Variants in DST observed in about 807,000 individuals in gnomAD.
DST encodes bullous pemphigoid antigen.
Under a neutral mutation model 875.2 loss-of-function variants are expected in DST, and 253 were observed. That is an observed-to-expected ratio of 0.29 (90% CI 0.26 to 0.32). DST has a LOEUF of 0.32. DST is among the 10% of genes least tolerant of loss of function. DST has a pLI of 1.00. For missense variants in DST, 8,287 were observed against 9,111.6 expected, an observed-to-expected ratio of 0.91 and a Z score of 3.68; for synonymous variants, 3,124 against 3,197.1, an observed-to-expected ratio of 0.98 and a Z score of 0.77.
Position 56,560,318 on chromosome 6 carries a change from A to G in DST, c.14416T>C (p.Trp4806Arg). ...ENPDTPEAPR[W>R]KQMLTEIDSK... ...CCTATTTCTGTCAACATCTGTTTCC[A>G]TCTGGGGGCCTCAGGAGTATCTGGG... The change falls in exon 58 of 104, where the codon TGG becomes CGG. Residue 4806 changes from tryptophan (W) to arginine (R), a missense_variant. This residue lies in a region of DST where 1,513 missense variants were observed against 1,677.8 expected (regional missense o/e 0.90). Coordinates refer to ENST00000680361, the MANE Select transcript of DST (RefSeq NM_001374736.1). The G allele has an allele frequency of 1.9e-6, 3 of 1,611,468 alleles. No homozygotes were observed. The highest frequency in any genetic ancestry group is 2.2e-5 in the East Asian group (1 of 44,824).
intron 9 of DST, among the ~76,000 whole-genome samples, chr6:56,697,726 C>T (rs756761825): frequency 6.6e-6 from 1 of 152,194 alleles, no homozygotes; most frequent in Non-Finnish European, 1.5e-5. Context: ...GCCTACCTCA[C>T]CAGCTGGTGA....
At chr6:56,585,914 T>C (rs137977790) in intron 49 of DST, among the ~76,000 whole-genome samples, 3,806 of 152,300 alleles carry the variant, frequency 0.025, 75 homozygotes, top group Non-Finnish European at 0.042. Context: ...TTTGAGTGAG[T>C]TTCTTAATCC....
chr6:56,887,272 G>A (rs114228111), intron 3 of DST, among the ~76,000 whole-genome samples: 2,234 of 152,258 alleles, frequency 0.015, 61 homozygotes, highest in African/African-American at 0.05. Flanking sequence ...AGAGTGACAC[G>A]GTAGCAGGTG....
chr6:56,856,719 G>A (rs533421221), intron 3 of DST, among the ~76,000 whole-genome samples: 1 of 152,236 alleles, frequency 6.6e-6, no homozygotes, highest in South Asian at 2.1e-4. Context: ...TGGGGCAACT[G>A]GGGAAATCTG....
At chr6:56,707,938 G>C (rs1195821044) in intron 5 of DST, among the ~76,000 whole-genome samples, 1 of 152,204 alleles carries the variant, frequency 6.6e-6, no homozygotes, top group Non-Finnish European at 1.5e-5. Context: ...GGGAGGCCGA[G>C]GTGGGTGGAT....
intron 4 of DST, among the ~76,000 whole-genome samples, chr6:56,781,908 A>C (rs1294553927): frequency 1.3e-5 from 2 of 152,124 alleles, no homozygotes; most frequent in Non-Finnish European, 2.9e-5. Context: ...TCAATACCTA[A>C]TTTATTGACA....
intron 91 of DST, among the ~76,000 whole-genome samples, chr6:56,477,013 T>A (rs1282450135): frequency 1.3e-5 from 2 of 151,968 alleles, no homozygotes; most frequent in African/African-American, 4.8e-5. Flanking sequence ...TGTATACCAA[T>A]TCACTCCACC....
At chr6:56,710,908 C>T (rs983938660) in intron 5 of DST, among the ~76,000 whole-genome samples, 2 of 152,120 alleles carry the variant, frequency 1.3e-5, no homozygotes, top group Admixed American at 6.5e-5. Context: ...GTTAAGTCAA[C>T]ATTAAGGCCA....
intron 38 of DST, 59 bp downstream of exon 38, chr6:56,611,449 G>A: frequency 8.1e-7 from 1 of 1,242,076 alleles, no homozygotes; most frequent in Non-Finnish European, 1.2e-6. Flanking sequence ...CTGTTTTGCT[G>A]AAAGCTTTTA....
chr6:56,492,562 G>T, intron 84 of DST, 129 bp from the exon 85 acceptor site: 1 of 974,472 alleles, frequency 1.0e-6, no homozygotes, highest in Non-Finnish European at 1.5e-6. Flanking sequence ...CCAAATGCAT[G>T]CTTTTGACTT....
intron 2 of DST, among the ~76,000 whole-genome samples, chr6:56,912,623 G>T (rs1799242809): frequency 6.6e-6 from 1 of 152,194 alleles, no homozygotes; most frequent in African/African-American, 2.4e-5. Flanking sequence ...CACAATAAAA[G>T]TTTATGCCTC....
rs1364852581 is a variant in DST, at chr6:56,553,622, G to A, written c.15170C>T (p.Ala5057Val). ...NHVQHLQSAC[A>V]SSHQFQQMSR... ...CATTTGCTGAAATTGATGAGAGCTT[G>A]CACAGGCCGACTGAAGGTGCTGGAC... Residue 5057 changes from alanine (A) to valine (V), a missense_variant, in exon 61 of 104, where the codon GCA (alanine) becomes GTA (valine). Transcript: ENST00000680361. The A allele has an allele frequency of 6.2e-6, 10 of 1,613,386 alleles. No individual in the cohort carries two copies. Among genetic ancestry groups the A allele is most frequent in the Admixed American group, 3.3e-5 (2 of 60,020 alleles).
intron 3 of DST, among the ~76,000 whole-genome samples, chr6:56,854,384 T>C (rs1201683550): frequency 6.6e-6 from 1 of 152,088 alleles, no homozygotes; most frequent in Admixed American, 6.6e-5. Context: ...AGTATTCTAC[T>C]ATTGTTGCCT....
intron 4 of DST, among the ~76,000 whole-genome samples, chr6:56,844,511 T>C (rs1480796015): frequency 1.3e-5 from 2 of 152,224 alleles, no homozygotes; most frequent in Non-Finnish European, 2.9e-5. Context: ...TATCATATAC[T>C]AAAGTGGGTG....
chr6:56,487,022 C>T (rs1262548483), intron 87 of DST, 82 bp downstream of exon 87: 2 of 1,386,322 alleles, frequency 1.4e-6, no homozygotes, highest in South Asian at 1.4e-5. Flanking sequence ...TTAAGGTTCC[C>T]GAAATGTCCC....
At chr6:56,745,185 A>C (rs2099568943) in intron 4 of DST, among the ~76,000 whole-genome samples, 1 of 152,240 alleles carries the variant, frequency 6.6e-6, no homozygotes, top group Admixed American at 6.5e-5. Flanking sequence ...TTAGGACTCC[A>C]TAGGTGAAAG....
intron 49 of DST, among the ~76,000 whole-genome samples, chr6:56,582,599 T>C (rs530470926): frequency 6.6e-6 from 1 of 150,916 alleles, no homozygotes; most frequent in East Asian, 1.9e-4. Context: ...AGTATTTCTT[T>C]TCTTTTTTTT....
intron 4 of DST, among the ~76,000 whole-genome samples, chr6:56,781,531 A>C (rs1177883175): frequency 1.3e-5 from 2 of 152,056 alleles, no homozygotes; most frequent in East Asian, 3.9e-4. Context: ...TTTGTCTGTT[A>C]TTGGTGTACA....
In DST at chr6:56,592,268, C is replaced by T. The variant is rs371956047; in HGVS notation, c.12817G>A (p.Ala4273Thr). Residue 4273 changes from alanine to threonine, a missense_variant, in exon 49 of 104, where the codon GCC becomes ACC. Around this residue, in one of 10 missense-constraint regions of DST, gnomAD observed 1,513 missense variants for 1,677.8 expected, o/e 0.90. Coordinates refer to ENST00000680361, the MANE Select transcript of DST (RefSeq NM_001374736.1). Reference protein sequence around the residue: ...ASCGLLAGLQACEATASKHLS... With the variant: ...ASCGLLAGLQTCEATASKHLS... ...TGTTTGCTCGCTGTGGCCTCACAGG[C>T]CTGGAGTCCAGCAAGAAGTCCACAT... 6.2e-7 allele frequency: 1 copy of T among 1,612,758 alleles called. No individual in the cohort carries two copies. Among genetic ancestry groups the T allele is most frequent in the Non-Finnish European group, 8.5e-7 (1 of 1,179,346 alleles).
Sources: allele counts gnomAD v4.1 joint callset (sites outside exome capture counted in the v4.1 genomes callset), GRCh38; gene constraint gnomAD v4.1.1; regional missense constraint gnomAD v4.1.1; transcripts MANE v1.5; gene names NCBI Gene and HGNC (gene_info 2026-07-23, HGNC 2026-07-21).